Variants in COL4A3 observed in about 807,000 individuals in gnomAD.
COL4A3 encodes the protein collagen alpha-3(IV) chain.
A neutral mutation model predicts 217.4 loss-of-function variants in COL4A3; 135 were observed. The observed-to-expected ratio is 0.62, with a 90% confidence interval of 0.54 to 0.72. The LOEUF (loss-of-function observed/expected upper bound fraction) is 0.72, where lower values mean the gene tolerates loss of function less well. COL4A3 is among the 30% of genes least tolerant of loss of function. The pLI is 0.00. For synonymous variants in COL4A3, 690 were observed against 736.3 expected, an observed-to-expected ratio of 0.94 and a Z score of 1.02; for missense variants, 1,868 against 2,119.9, an observed-to-expected ratio of 0.88 and a Z score of 2.33.
In COL4A3 at chr2:227,269,901, G is replaced by T; in HGVS notation, c.1505-9G>T. 6.2e-7 allele frequency: 1 copy of T among 1,613,410 alleles called. No homozygotes were observed. Among genetic ancestry groups the T allele is most frequent in the South Asian group, 1.1e-5 (1 of 91,030 alleles). The stretch of plus-strand genomic sequence containing the variant: ...ATGAGGAGTTAGTTAATAATTCGTT[G>T]ATTTGCAGGAAGACAAGGCGCAGCT... On this transcript the variant is annotated splice_polypyrimidine_tract_variant and intron_variant, in intron 23 of 51. Coordinates refer to ENST00000396578, the MANE Select transcript of COL4A3 (RefSeq NM_000091.5).
At position 227,229,134 on chromosome 2, in the gene COL4A3, G is replaced by A. The variant is rs116000882; in HGVS notation, c.88-8834G>A. On this transcript the variant is annotated intron_variant, in intron 1 of 51. Transcript: ENST00000396578. ...ACCACTTTGCCTCATAAGAGAAAGC[G>A]ATGTGCAGGTGAGACATGGGTGGCA... Among the ~76,000 whole-genome samples the A allele has an allele frequency of 4.2e-3, 633 of 152,280 alleles. 4 individuals are homozygous for A. The highest frequency in any genetic ancestry group is 0.014 in the African/African-American group (599 of 41,558).
chr2:227,217,850 G>C (rs1264895556), intron 1 of COL4A3, among the ~76,000 whole-genome samples: 1 of 151,958 alleles, frequency 6.6e-6, no homozygotes, highest in East Asian at 1.9e-4. Flanking sequence ...GAAATTTGGA[G>C]GCCTTACAGT....
intron 1 of COL4A3, among the ~76,000 whole-genome samples, chr2:227,179,389 A>G (rs1184144475): frequency 6.7e-6 from 1 of 149,826 alleles, no homozygotes; most frequent in Non-Finnish European, 1.5e-5. Context: ...AGACTTAAAA[A>G]AAGCATCAAT....
intron 1 of COL4A3, among the ~76,000 whole-genome samples, chr2:227,192,533 T>C (rs1426720987): frequency 4.6e-5 from 7 of 152,232 alleles, no homozygotes; most frequent in Non-Finnish European, 1.0e-4. Context: ...ACCCTTGGTA[T>C]TGGGGCTTTG....
At chr2:227,277,825 C>T (rs2071678044) in intron 28 of COL4A3, among the ~76,000 whole-genome samples, 1 of 152,022 alleles carries the variant, frequency 6.6e-6, no homozygotes, top group Non-Finnish European at 1.5e-5. Context: ...CATGGTGAAA[C>T]CCCGTCTCTA....
At chr2:227,214,484 T>C (rs1015340713) in intron 1 of COL4A3, among the ~76,000 whole-genome samples, 3 of 152,262 alleles carry the variant, frequency 2.0e-5, no homozygotes, top group African/African-American at 7.2e-5. Context: ...AAGTTGCATT[T>C]TCATAACAGC....
intron 35 of COL4A3, 26 bp from the exon 36 acceptor site, chr2:227,289,973 G>T (rs374195031): frequency 2.1e-5 from 33 of 1,602,168 alleles, no homozygotes; most frequent in Non-Finnish European, 2.8e-5. Flanking sequence ...ACTGTGCAGG[G>T]CAATAACTAC....
chr2:227,235,604 C>T (rs1327335700), intron 1 of COL4A3, among the ~76,000 whole-genome samples: 1 of 152,078 alleles, frequency 6.6e-6, no homozygotes, highest in East Asian at 1.9e-4. Context: ...CCCTTTTACA[C>T]TTCCCCCAAA....
rs2073459315 is a variant in COL4A3, at chr2:227,305,394, TAGG to T, written c.4252+314_4252+316del. 9.2e-6 allele frequency: 3 copies of T among 324,824 alleles called. No homozygotes were observed. The South Asian group carries it at 9.6e-5, about 10-fold the overall frequency. The allele number at this position is 324,824 out of a possible 1,614,324, so 20.1% of individuals were successfully genotyped here. On this transcript the variant is annotated intron_variant, in intron 47 of 51. Transcript: ENST00000396578. ...GCCAATACCTGTTTTTAATAACTTA[TAGG>T]AGTTGTTAGTTAATAATTATTTATA... is the stretch of plus-strand genomic sequence containing the variant.
At chr2:227,221,688 G>A (rs1264301967) in intron 1 of COL4A3, among the ~76,000 whole-genome samples, 1 of 116,584 alleles carries the variant, frequency 8.6e-6, no homozygotes, top group Non-Finnish European at 2.2e-5. Context: ...ATTATAATTA[G>A]TTAACGTGTG....
chr2:227,212,664 T>C (rs1198589789), intron 1 of COL4A3, among the ~76,000 whole-genome samples: 1 of 152,210 alleles, frequency 6.6e-6, no homozygotes, highest in Non-Finnish European at 1.5e-5. Context: ...TATAATTTTA[T>C]ACTATAAGTG....
chr2:227,202,735 T>TAA (rs370401800), intron 1 of COL4A3, among the ~76,000 whole-genome samples: 3 of 44,652 alleles, frequency 6.7e-5, no homozygotes, highest in Non-Finnish European at 1.2e-4. Flanking sequence ...AATCCGTCTC[T>TAA]AAAAAAAAAA....
intron 1 of COL4A3, among the ~76,000 whole-genome samples, chr2:227,180,944 T>C (rs1400545919): frequency 6.6e-6 from 1 of 152,258 alleles, no homozygotes; most frequent in East Asian, 1.9e-4. Flanking sequence ...GCTGGTATTT[T>C]CTAATAACAT....
intron 28 of COL4A3, chr2:227,279,551 G>T (rs2071811600): frequency 3.9e-6 from 2 of 510,212 alleles, no homozygotes; most frequent in Admixed American, 7.3e-5. Context: ...GTGGTTTGAA[G>T]AATTGCTGAA....
At chr2:227,196,434 C>T (rs1398724068) in intron 1 of COL4A3, among the ~76,000 whole-genome samples, 1 of 151,944 alleles carries the variant, frequency 6.6e-6, no homozygotes, top group Non-Finnish European at 1.5e-5. Context: ...TCTCCTGCCT[C>T]AGCCTCCCGA....
intron 43 of COL4A3, among the ~76,000 whole-genome samples, chr2:227,302,203 A>G (rs1182264170): frequency 1.3e-5 from 2 of 152,106 alleles, no homozygotes; most frequent in Admixed American, 1.3e-4. Context: ...CTTGTCAAAT[A>G]TGCCTGTCAA....
intron 34 of COL4A3, among the ~76,000 whole-genome samples, chr2:227,288,448 G>A (rs1388179448): frequency 2.0e-5 from 3 of 152,154 alleles, no homozygotes; most frequent in Non-Finnish European, 4.4e-5. Flanking sequence ...ATGTTTTAGG[G>A]AAAGTGGAAT....
chr2:227,164,654 C>T lies in COL4A3; in HGVS notation c.-73C>T. On this transcript the variant is annotated 5_prime_UTR_variant, in exon 1 of 52. Transcript: ENST00000396578. This position sits in a 1 kb window ranked among gnomAD's most constrained non-coding sequence, Gnocchi z 4.8. ...TTCCAGCCGGGCTCCCAGAGCCGCG[C>T]TGCGCAGGAGACGCGGTGGCCTGAG... 1 of 1,526,178 alleles carries T rather than the reference C, an allele frequency of 6.6e-7. No individual in the cohort carries two copies. The highest frequency in any genetic ancestry group is 1.2e-5 in the South Asian group (1 of 83,568). 94.5% of individuals were successfully genotyped at this position (1,526,178 alleles called of 1,614,324 possible). A position where few individuals can be genotyped will look rare whatever the true frequency, so the allele number is the denominator to read the frequency against.
At chr2:227,186,616 G>C (rs1351303458) in intron 1 of COL4A3, among the ~76,000 whole-genome samples, 1 of 152,168 alleles carries the variant, frequency 6.6e-6, no homozygotes, top group African/African-American at 2.4e-5. Context: ...TTTTATTAAG[G>C]GGGTAAGTAG....
Sources: allele counts gnomAD v4.1 joint callset (sites outside exome capture counted in the v4.1 genomes callset), GRCh38; gene constraint gnomAD v4.1.1; non-coding constraint Gnocchi (gnomAD v3.1); transcripts MANE v1.5; gene names NCBI Gene and HGNC (gene_info 2026-07-23, HGNC 2026-07-21).